DIP2C: variants seen among roughly 807,000 people sequenced by gnomAD.
The protein encoded by DIP2C is disco-interacting protein 2 homolog C.
DIP2C carries 33 observed loss-of-function variants against 192.4 expected under a neutral mutation model. The observed-to-expected ratio is 0.17, with a 90% confidence interval of 0.13 to 0.23. DIP2C has a LOEUF of 0.23. Among genes scored for constraint, DIP2C ranks in the 10% least tolerant of loss-of-function variants. The probability of loss-of-function intolerance (pLI) is 1.00; values close to 1 mark genes in which losing one functional copy is unlikely to be tolerated. For synonymous variants in DIP2C, 979 were observed against 864.1 expected (o/e 1.13, Z -2.33); for missense variants, 1,537 against 2,110.1 (o/e 0.73, Z 5.32).
intron 2 of DIP2C, among the ~76,000 whole-genome samples, chr10:481,309 G>A (rs1710794048): frequency 6.6e-6 from 1 of 152,186 alleles, no homozygotes; most frequent in Admixed American, 6.5e-5. Context: ...TAACCAAAGT[G>A]CAAAATTCAC....
chr10:481,896 T>C (rs925490253), intron 2 of DIP2C, among the ~76,000 whole-genome samples: 2 of 151,656 alleles, frequency 1.3e-5, no homozygotes, highest in South Asian at 4.1e-4. Context: ...ATACAGCAAA[T>C]ACCTGCCCAA....
intron 17 of DIP2C, 135 bp downstream of exon 17, chr10:382,508 GAAAT>G: frequency 1.6e-6 from 1 of 636,628 alleles, no homozygotes; most frequent in Non-Finnish European, 2.8e-6. Context: ...CATAAAAACA[GAAAT>G]AAACTCATCT....
chr10:560,357 A>C (rs56120789), intron 1 of DIP2C, among the ~76,000 whole-genome samples: 5 of 152,262 alleles, frequency 3.3e-5, no homozygotes, highest in Non-Finnish European at 5.9e-5. Context: ...TGCACAACAC[A>C]AGAGACAAGC....
chr10:369,546 T>A lies in DIP2C; in HGVS notation c.2079A>T (p.Glu693Asp). The change falls in exon 18 of 37, where the codon GAA becomes GAT. Residue 693 changes from glutamate to aspartate, a missense_variant. Physicochemically the swap from Glu to Asp is conservative, Grantham distance 45 (BLOSUM62 2). Coordinates refer to ENST00000280886, the MANE Select transcript of DIP2C (RefSeq NM_014974.3). ...LTYGVIRVDS[E>D]EKLSVLTVQD... is the part of the protein sequence containing the mutation. ...GCACGGTGAGCACGGACAGCTTCTC[T>A]TCCGAGTCCACACGAATGACCCCAT... is the stretch of plus-strand genomic sequence containing the variant. 6.3e-7 allele frequency: 1 copy of A among 1,589,648 alleles called. No homozygotes were observed. Among genetic ancestry groups the A allele is most frequent in the Non-Finnish European group, 8.6e-7 (1 of 1,165,644 alleles).
chr10:337,049 GGT>G lies in DIP2C; in HGVS notation c.3584+4148_3584+4149del, dbSNP rs148004134. Among the ~76,000 whole-genome samples, 30 of 37,962 alleles carry G rather than the reference GGT, an allele frequency of 7.9e-4. 2 individuals carry two copies. The highest frequency in any genetic ancestry group is 2.9e-3 in the African/African-American group (23 of 7,930). The allele number at this position is 37,962 out of a possible 152,430, so 24.9% of individuals were successfully genotyped here. A position where few individuals can be genotyped will look rare whatever the true frequency, so the allele number is the denominator to read the frequency against. On this transcript the variant is annotated intron_variant, in intron 29 of 36. Transcript: ENST00000280886. ...TGTGTGTGTTGTGGAGGCCTAGACT[GGT>G]GTGTGTGTGTGTGTGTGTGTGTTGT...
intron 1 of DIP2C, among the ~76,000 whole-genome samples, chr10:601,620 T>C (rs1317068345): frequency 6.6e-6 from 1 of 152,190 alleles, no homozygotes; most frequent in Non-Finnish European, 1.5e-5. Flanking sequence ...ACCCTAACTG[T>C]CCTCTGTGGA....
intron 1 of DIP2C, among the ~76,000 whole-genome samples, chr10:562,275 A>T (rs1849262678): frequency 6.6e-6 from 1 of 152,262 alleles, no homozygotes. Context: ...GACAAACTTT[A>T]AGCAGCAATA....
intron 1 of DIP2C, among the ~76,000 whole-genome samples, chr10:532,250 G>C (rs1220603064): frequency 1.3e-5 from 2 of 152,098 alleles, no homozygotes; most frequent in Admixed American, 1.3e-4. Flanking sequence ...ACCCACTCAT[G>C]TCCCGGAAAG....
rs745736168 is a variant in DIP2C, at chr10:275,308, G to T, written c.*2017C>A. The T allele has an allele frequency of 1.3e-5, 2 of 152,048 alleles. No individual in the cohort carries two copies. The highest frequency in any genetic ancestry group is 2.9e-5 in the Non-Finnish European group (2 of 68,038). The allele number at this position is 152,048 out of a possible 1,614,324, so 9.4% of individuals were successfully genotyped here. On this transcript the variant is annotated 3_prime_UTR_variant, in exon 37 of 37. Coordinates refer to ENST00000280886, the MANE Select transcript of DIP2C (RefSeq NM_014974.3). ...ATGTCTTTTTTCCCCCCAATGTGTGGTGGTTCCCCCCTTAGGAAGCAGAGA... is the reference window on the plus strand; with the variant it reads ...ATGTCTTTTTTCCCCCCAATGTGTGTTGGTTCCCCCCTTAGGAAGCAGAGA...
At chr10:454,291 A>C (rs1969098096) in intron 3 of DIP2C, among the ~76,000 whole-genome samples, 1 of 143,892 alleles carries the variant, frequency 6.9e-6, no homozygotes, top group Admixed American at 6.6e-5. Context: ...GGTACTACTT[A>C]CATTTATAGT....
intron 1 of DIP2C, among the ~76,000 whole-genome samples, chr10:525,363 G>A (rs1208026838): frequency 6.6e-6 from 1 of 152,102 alleles, no homozygotes; most frequent in Non-Finnish European, 1.5e-5. Flanking sequence ...AAATCCCTCT[G>A]GATTGCAAAG....
At position 620,473 on chromosome 10, in the gene DIP2C, A is replaced by G. The variant is rs554836880; in HGVS notation, c.85+69021T>C. Among the ~76,000 whole-genome samples the G allele has an allele frequency of 2.3e-4, 35 of 152,356 alleles. No individual in the cohort carries two copies. In the South Asian group the frequency reaches 7.2e-3, roughly 32 times the overall value. ...TCCTAGGGGGCCTCCTGAGGGGCAG[A>G]TACGGAGGGAGAAGCCCTGGGCTAT... On this transcript the variant is annotated intron_variant, in intron 1 of 36. Transcript: ENST00000280886.
At chr10:375,905 G>A (rs903090571) in intron 17 of DIP2C, among the ~76,000 whole-genome samples, 3 of 152,108 alleles carry the variant, frequency 2.0e-5, no homozygotes, top group South Asian at 2.1e-4. Context: ...GATCTCCAAT[G>A]TAGTATTCCT....
At chr10:498,448 G>A (rs534177234) in intron 1 of DIP2C, among the ~76,000 whole-genome samples, 8 of 152,316 alleles carry the variant, frequency 5.3e-5, no homozygotes, top group African/African-American at 1.9e-4. Context: ...GCAGGCGCCA[G>A]TGGAGATGCT....
At chr10:555,263 G>A (rs928250570) in intron 1 of DIP2C, among the ~76,000 whole-genome samples, 1 of 151,780 alleles carries the variant, frequency 6.6e-6, no homozygotes, top group African/African-American at 2.4e-5. Flanking sequence ...GGCTCTTCTG[G>A]GCTCTTTGCT....
chr10:290,585 G>A (rs942176821), intron 32 of DIP2C, among the ~76,000 whole-genome samples: 6 of 152,194 alleles, frequency 3.9e-5, no homozygotes, highest in South Asian at 2.1e-4. Context: ...TGATCTGAGC[G>A]GCCAAGTGGA....
intron 10 of DIP2C, among the ~76,000 whole-genome samples, chr10:392,728 G>A (rs1261602330): frequency 8.9e-6 from 1 of 112,630 alleles, no homozygotes; most frequent in Admixed American, 9.7e-5. Context: ...ACGCGCCCAG[G>A]TACACACGCG....
chr10:365,171 G>C, intron 19 of DIP2C: 1 of 384,338 alleles, frequency 2.6e-6, no homozygotes, highest in South Asian at 2.1e-5. Flanking sequence ...ATTTTAGAAA[G>C]TTGAATTCAC....
chr10:307,339 G>A (rs185306743), intron 32 of DIP2C, among the ~76,000 whole-genome samples: 200 of 152,362 alleles, frequency 1.3e-3, no homozygotes, highest in African/African-American at 4.7e-3. Context: ...CCTGCCAGTG[G>A]CTGCAGCACC....
Sources: allele counts gnomAD v4.1 joint callset (sites outside exome capture counted in the v4.1 genomes callset), GRCh38; gene constraint gnomAD v4.1.1; transcripts MANE v1.5; gene names NCBI Gene and HGNC (gene_info 2026-07-23, HGNC 2026-07-21).